UBR1: variants seen among roughly 807,000 people sequenced by gnomAD.
UBR1 encodes the protein E3 ubiquitin-protein ligase UBR1.
A neutral mutation model predicts 242.1 loss-of-function variants in UBR1; 102 were observed. The ratio of observed to expected loss-of-function variants is 0.42; its 90% CI spans 0.36 to 0.50. The LOEUF (loss-of-function observed/expected upper bound fraction) is 0.50. Among genes scored for constraint, UBR1 ranks in the 20% least tolerant of loss-of-function variants. UBR1 has a pLI of 0.01. For missense variants in UBR1, 1,772 were observed against 2,101.8 expected, an observed-to-expected ratio of 0.84 and a Z score of 3.07; for synonymous variants, 675 against 684.8, an observed-to-expected ratio of 0.99 and a Z score of 0.22.
intron 27 of UBR1, among the ~76,000 whole-genome samples, chr15:43,020,213 G>C (rs1246257500): frequency 6.6e-6 from 1 of 151,970 alleles, no homozygotes; most frequent in Non-Finnish European, 1.5e-5. Flanking sequence ...CTAATTTTTT[G>C]TATTTTTAGC....
intron 37 of UBR1, 139 bp from the exon 38 acceptor site, chr15:42,978,086 A>G (rs1382137927): frequency 1.4e-6 from 1 of 695,210 alleles, no homozygotes; most frequent in African/African-American, 1.8e-5. Flanking sequence ...CCTTTGAGAT[A>G]TGAAAACCAT....
At chr15:42,960,158 T>C (rs749063212) in intron 43 of UBR1, among the ~76,000 whole-genome samples, 4 of 152,144 alleles carry the variant, frequency 2.6e-5, no homozygotes, top group Non-Finnish European at 5.9e-5. Context: ...ACTTAAGAAG[T>C]AGATTTTGTT....
chr15:43,025,704 G>A, intron 23 of UBR1: 1 of 361,474 alleles, frequency 2.8e-6, no homozygotes, highest in Non-Finnish European at 5.1e-6. Flanking sequence ...CTATGCTATG[G>A]GCTGTAAAGT....
intron 9 of UBR1, among the ~76,000 whole-genome samples, chr15:43,058,675 C>A (rs188849521): frequency 1.3e-3 from 201 of 152,314 alleles, no homozygotes; most frequent in African/African-American, 4.7e-3. Flanking sequence ...TCTCTCCCAA[C>A]CTTTTCATTC....
intron 45 of UBR1, among the ~76,000 whole-genome samples, chr15:42,950,829 C>A (rs2031822269): frequency 6.6e-6 from 1 of 152,178 alleles, no homozygotes; most frequent in African/African-American, 2.4e-5. Flanking sequence ...GCCTGAAACA[C>A]TGCAGATTAA....
At chr15:42,945,525 T>C in intron 46 of UBR1, 55 bp from the exon 47 acceptor site, 1 of 1,599,916 alleles carries the variant, frequency 6.3e-7, no homozygotes, top group Non-Finnish European at 8.5e-7. Context: ...AACTGCCACA[T>C]CTTTATTGTC....
Position 42,963,925 on chromosome 15 carries a change from C to A in UBR1, c.4700+10G>T, listed in dbSNP as rs750025671. 104 of 1,574,222 alleles carry A rather than the reference C, an allele frequency of 6.6e-5. No homozygotes were observed. The highest frequency in any genetic ancestry group is 8.7e-5 in the Non-Finnish European group (100 of 1,144,358). On this transcript the variant is annotated intron_variant, in intron 42 of 46. Coordinates refer to ENST00000290650, the MANE Select transcript of UBR1 (RefSeq NM_174916.3). The stretch of plus-strand genomic sequence containing the variant: ...AATAACCCAACAACAATATTTTATC[C>A]CCATAGTACCTCTGGAGCAAGGGCC...
rs146829542 is a variant in UBR1 at position 42,997,288 on chromosome 15, G to A, written c.3757+880C>T. 2.8e-3 allele frequency among the ~76,000 whole-genome samples: 423 copies of A among 152,218 alleles called. 3 individuals are homozygous for A. Among genetic ancestry groups the A allele is most frequent in the African/African-American group, 9.6e-3 (397 of 41,522 alleles). On this transcript the variant is annotated intron_variant, in intron 33 of 46. Coordinates refer to ENST00000290650, the MANE Select transcript of UBR1 (RefSeq NM_174916.3). ...GACCCCCAGATGGGACCATCTAGTCGCAGGAAAACAAGCTTAGGGCTCCCA... is the reference window on the plus strand; with the variant it reads ...GACCCCCAGATGGGACCATCTAGTCACAGGAAAACAAGCTTAGGGCTCCCA...
At chr15:43,096,405 G>A (rs1209997309) in intron 1 of UBR1, among the ~76,000 whole-genome samples, 4 of 151,998 alleles carry the variant, frequency 2.6e-5, no homozygotes, top group African/African-American at 7.2e-5. Context: ...TAGGCAATCC[G>A]CCCACCTCGG....
intron 1 of UBR1, among the ~76,000 whole-genome samples, chr15:43,093,790 C>CAAAAA (rs35967267): frequency 1.9e-5 from 1 of 52,036 alleles, no homozygotes; most frequent in African/African-American, 7.3e-5. Context: ...GCTCCGTCTC[C>CAAAAA]AAAAAAAAAA....
chr15:43,103,820 G>C (rs911108503), intron 1 of UBR1, among the ~76,000 whole-genome samples: 6 of 152,160 alleles, frequency 3.9e-5, no homozygotes, highest in African/African-American at 2.4e-5. Flanking sequence ...ATAAGGAGTA[G>C]GGGGAACAAC....
intron 3 of UBR1, among the ~76,000 whole-genome samples, chr15:43,076,234 G>A (rs1291191440): frequency 2.0e-5 from 3 of 151,260 alleles, no homozygotes; most frequent in African/African-American, 7.3e-5. Flanking sequence ...CGCCAGCCTC[G>A]GCCTCCCGAG....
intron 29 of UBR1, among the ~76,000 whole-genome samples, chr15:43,014,031 G>A (rs894070940): frequency 1.1e-4 from 16 of 152,244 alleles, no homozygotes; most frequent in South Asian, 2.1e-4. Context: ...GCAGGTGCAC[G>A]CTGCCACGCC....
At chr15:43,105,903 C>CG (rs199813989) in intron 1 of UBR1, 39 bp downstream of exon 1, 1,130 of 1,567,760 alleles carry the variant, frequency 7.2e-4, no homozygotes, top group Admixed American at 8.6e-4. Flanking sequence ...AGGGAGGGAC[C>CG]GGGGGGAGGA....
intron 6 of UBR1, among the ~76,000 whole-genome samples, chr15:43,062,901 G>GA (rs558448367): frequency 2.0e-4 from 29 of 144,296 alleles, no homozygotes; most frequent in African/African-American, 2.3e-4. Flanking sequence ...TGTCTACTCT[G>GA]AAAAAAAAAA....
Position 42,944,433 on chromosome 15 carries a change from C to G in UBR1, c.*896G>C, listed in dbSNP as rs752048829. ...AGAAGACTGCGGAATTGGTTTAAATCTGATTGTTCTAATTTACAGTTGTCA... is the reference window on the plus strand; with the variant it reads ...AGAAGACTGCGGAATTGGTTTAAATGTGATTGTTCTAATTTACAGTTGTCA... On this transcript the variant is annotated 3_prime_UTR_variant, in exon 47 of 47. Transcript: ENST00000290650. The G allele has an allele frequency of 6.6e-6, 1 of 152,288 alleles. No individual in the cohort carries two copies. The highest frequency in any genetic ancestry group is 1.5e-5 in the Non-Finnish European group (1 of 68,030). 9.4% of individuals were successfully genotyped at this position (152,288 alleles called of 1,614,324 possible).
intron 4 of UBR1, among the ~76,000 whole-genome samples, chr15:43,073,237 G>A (rs2033845654): frequency 6.6e-6 from 1 of 152,142 alleles, no homozygotes; most frequent in Non-Finnish European, 1.5e-5. Flanking sequence ...ATTAATGACT[G>A]ATTTCAGGTG....
chr15:42,961,138 C>T (rs2032011241), intron 42 of UBR1, among the ~76,000 whole-genome samples: 1 of 134,568 alleles, frequency 7.4e-6, no homozygotes, highest in East Asian at 2.3e-4. Flanking sequence ...TGTTTTGAGA[C>T]AGTTTTGCTC....
chr15:43,006,859 G>GA (rs991518077), intron 30 of UBR1, among the ~76,000 whole-genome samples: 9 of 150,238 alleles, frequency 6.0e-5, no homozygotes, highest in African/African-American at 1.2e-4. Context: ...GATCCTAAGT[G>GA]AAAAAAAAAG....
Sources: allele counts gnomAD v4.1 joint callset (sites outside exome capture counted in the v4.1 genomes callset), GRCh38; gene constraint gnomAD v4.1.1; transcripts MANE v1.5; gene names NCBI Gene and HGNC (gene_info 2026-07-23, HGNC 2026-07-21).